The following DAB2IP variants were observed in gnomAD, a reference collection of about 807,000 sequenced individuals.
DAB2IP encodes the protein DAB2 interacting protein.
In DAB2IP, 28 loss-of-function variants were observed where a neutral mutation model predicts 107.2. The ratio of observed to expected loss-of-function variants is 0.26; its 90% CI spans 0.19 to 0.36. The LOEUF is 0.36. DAB2IP is among the 10% of genes least tolerant of loss of function. The probability of loss-of-function intolerance (pLI) is 1.00; values close to 1 mark genes in which losing one functional copy is unlikely to be tolerated. For missense variants in DAB2IP, 1,400 were observed against 1,644.7 expected (o/e 0.85, Z 2.57); for synonymous variants, 755 against 706.4 (o/e 1.07, Z -1.09).
chr9:121,780,416 C>T (rs369929339), intron 14 of DAB2IP, among the ~76,000 whole-genome samples: 2 of 152,160 alleles, frequency 1.3e-5, no homozygotes, highest in South Asian at 2.1e-4. Context: ...CGTGCAGAAC[C>T]GGCCCCGGCA....
In DAB2IP at chr9:121,763,586, G is replaced by A; in HGVS notation, c.1252G>A (p.Ala418Thr). 1.2e-6 allele frequency: 2 copies of A among 1,613,876 alleles called. No individual in the cohort carries two copies. Among genetic ancestry groups the A allele is most frequent in the Non-Finnish European group, 1.7e-6 (2 of 1,180,014 alleles). ...CCTCATCTTCCGGGAGAACACACTG[G>A]CCACCAAGGCCATTGAGGAGTACCT... is the stretch of plus-strand genomic sequence containing the variant. Residue 418 changes from alanine to threonine, a missense_variant, in exon 7 of 16, where the codon GCC (alanine) becomes ACC (threonine). By Grantham distance (58) the Ala-to-Thr change is moderately conservative (BLOSUM62 0). Around this residue, in one of 3 missense-constraint regions of DAB2IP, gnomAD observed 517 missense variants for 748.6 expected, o/e 0.69. Transcript: ENST00000408936.
intron 1 of DAB2IP, among the ~76,000 whole-genome samples, chr9:121,664,566 A>G (rs1833341178): frequency 6.6e-6 from 1 of 152,206 alleles, no homozygotes; most frequent in Non-Finnish European, 1.5e-5. Flanking sequence ...GTCTCTCAGC[A>G]GAGTTTCTGA....
chr9:121,612,738 T>A (rs553359638), intron 1 of DAB2IP, among the ~76,000 whole-genome samples: 1 of 152,216 alleles, frequency 6.6e-6, no homozygotes, highest in South Asian at 2.1e-4. Context: ...AGTGTGTGTG[T>A]GTTTGTGTGT....
chr9:121,773,235 C>T, exon 12 of DAB2IP: 1 of 1,554,560 alleles, frequency 6.4e-7, no homozygotes, highest in Non-Finnish European at 8.7e-7. Context: ...AGGCGGGCAG[C>T]CCACGGTGCC....
intron 2 of DAB2IP, among the ~76,000 whole-genome samples, chr9:121,683,993 A>T (rs529240693): frequency 7.8e-4 from 119 of 152,210 alleles, no homozygotes; most frequent in African/African-American, 2.8e-3. Context: ...CCTGCAGGAT[A>T]CAAGAACCAC....
chr9:121,766,570 A>G (rs1834300865), exon 9 of DAB2IP: 2 of 1,613,614 alleles, frequency 1.2e-6, no homozygotes, highest in Non-Finnish European at 1.7e-6. Flanking sequence ...CCCGGACATC[A>G]GTGAGCGGCT....
upstream of DAB2IP, among the ~76,000 whole-genome samples, chr9:121,650,422 G>C (rs1407233232): frequency 6.6e-6 from 1 of 152,184 alleles, no homozygotes; most frequent in Non-Finnish European, 1.5e-5. Context: ...CTGGATTTCT[G>C]CCCAGACGGC....
rs748745482 is a variant in DAB2IP, at chr9:121,736,622, G to A, written c.363-20391G>A. 1.8e-4 allele frequency among the ~76,000 whole-genome samples: 28 copies of A among 152,340 alleles called. No homozygotes were observed. In the East Asian group the frequency reaches 2.7e-3, roughly 15 times the overall value. ...GGCTGGAGAGGGTTTGGGGCGTGGC[G>A]CAGCCCGACGTTAGTCCGGAATGCT... On this transcript the variant is annotated intron_variant, in intron 3 of 15. Coordinates refer to ENST00000408936, the Ensembl canonical transcript of DAB2IP. The surrounding 1 kb of genome is among the most constrained non-coding windows in gnomAD (Gnocchi z 4.6).
intron 1 of DAB2IP, among the ~76,000 whole-genome samples, chr9:121,579,256 T>G (rs1589373378): frequency 6.6e-6 from 1 of 152,308 alleles, no homozygotes; most frequent in South Asian, 2.1e-4. Context: ...TAGCAGAGAA[T>G]GAGGCCTCAG....
In DAB2IP at chr9:121,699,573, C is replaced by T. The variant is rs1390703959; in HGVS notation, c.362+115C>T. Reference sequence around the variant, plus strand: ...GGCGAGCCACACGGCGGTGGGGGGACCCCACGCCGCCCGCCGGGAACTTAT... The same window carrying T: ...GGCGAGCCACACGGCGGTGGGGGGATCCCACGCCGCCCGCCGGGAACTTAT... On this transcript the variant is annotated intron_variant, in intron 3 of 15. Coordinates refer to ENST00000408936, the Ensembl canonical transcript of DAB2IP. This position sits in a 1 kb window ranked among gnomAD's most constrained non-coding sequence, Gnocchi z 6.2. 6 of 941,194 alleles carry T rather than the reference C, an allele frequency of 6.4e-6. No homozygotes were observed. Among genetic ancestry groups the T allele is most frequent in the Non-Finnish European group, 8.0e-6 (6 of 754,242 alleles). 58.3% of individuals were successfully genotyped at this position (941,194 alleles called of 1,614,324 possible).
In DAB2IP at chr9:121,757,296, T is replaced by C. The variant is rs2118956166; in HGVS notation, c.516+130T>C. The C allele has an allele frequency of 4.9e-6, 6 of 1,217,296 alleles. No homozygotes were observed. The African/African-American group carries it at 1.1e-4, about 23-fold the overall frequency. The allele number at this position is 1,217,296 out of a possible 1,614,324, so 75.4% of individuals were successfully genotyped here. A position where few individuals can be genotyped will look rare whatever the true frequency, so the allele number is the denominator to read the frequency against. On this transcript the variant is annotated intron_variant, in intron 4 of 15. Transcript: ENST00000408936. ...GGGCCAGGGTCTTGGGGACAGTGGC[T>C]AGTAGTTACCGATAGCTTTCAGCTC...
chr9:121,764,183 G>A (rs561676181), intron 8 of DAB2IP, among the ~76,000 whole-genome samples: 34 of 152,336 alleles, frequency 2.2e-4, no homozygotes, highest in Admixed American at 2.0e-3. Context: ...GGCCCTGTGT[G>A]GGCCCCCACT....
rs1053652873 is a variant in DAB2IP at position 121,684,444 on chromosome 9, T to C, written c.228+5663T>C. ...AGCCACCCCGTCTGAGCTGAGCCCTTCTCCCAGCCCCCATCACATTTCCTG... is the reference window on the plus strand; with the variant it reads ...AGCCACCCCGTCTGAGCTGAGCCCTCCTCCCAGCCCCCATCACATTTCCTG... On this transcript the variant is annotated intron_variant, in intron 2 of 15. Transcript: ENST00000408936. The surrounding 1 kb of genome is among the most constrained non-coding windows in gnomAD (Gnocchi z 4.0). 8.5e-5 allele frequency among the ~76,000 whole-genome samples: 13 copies of C among 152,110 alleles called. No homozygotes were observed. Among genetic ancestry groups the C allele is most frequent in the African/African-American group, 3.1e-4 (13 of 41,422 alleles).
rs768874695 is a variant in DAB2IP at position 121,699,633 on chromosome 9, G to T, written c.362+175G>T. 6.6e-6 allele frequency among the ~76,000 whole-genome samples: 1 copy of T among 152,014 alleles called. No homozygotes were observed. Among genetic ancestry groups the T allele is most frequent in the Non-Finnish European group, 1.5e-5 (1 of 67,950 alleles). ...TCGGCCGGACTAGGGGGCCCGAGGG[G>T]AGGACCCTGTGCCTCCCTCCGGGGT... is the stretch of plus-strand genomic sequence containing the variant. On this transcript the variant is annotated intron_variant, in intron 3 of 15. Transcript: ENST00000408936. This position sits in a 1 kb window ranked among gnomAD's most constrained non-coding sequence, Gnocchi z 6.2.
At chr9:121,651,473 G>A (rs978111894), upstream of DAB2IP, 22 of 184,166 alleles carry the variant, frequency 1.2e-4, no homozygotes, top group Non-Finnish European at 1.7e-4. This position sits in a 1 kb window ranked among gnomAD's most constrained non-coding sequence, Gnocchi z 5.1. Flanking sequence ...GGGGTCCCGG[G>A]GAAACTCCGG....
intron 1 of DAB2IP, among the ~76,000 whole-genome samples, chr9:121,568,296 C>A (rs1371742009): frequency 6.6e-6 from 1 of 152,204 alleles, no homozygotes; most frequent in Non-Finnish European, 1.5e-5. Flanking sequence ...ACGTTTGGAG[C>A]TGCAGCCCTC....
At chr9:121,651,513 G>C (rs1832735433), upstream of DAB2IP, 1 of 315,206 alleles carries the variant, frequency 3.2e-6, no homozygotes. This position sits in a 1 kb window ranked among gnomAD's most constrained non-coding sequence, Gnocchi z 5.1. Flanking sequence ...TCCAGGCCGG[G>C]ATTTCTCCCG....
At chr9:121,655,463 T>A (rs572803621) in intron 1 of DAB2IP, among the ~76,000 whole-genome samples, 12 of 152,322 alleles carry the variant, frequency 7.9e-5, no homozygotes, top group Non-Finnish European at 1.5e-4. Context: ...TCAGCTTGGG[T>A]GCAGGGGCAC....
intron 1 of DAB2IP, among the ~76,000 whole-genome samples, chr9:121,589,240 C>T (rs1830373964): frequency 6.6e-6 from 1 of 152,122 alleles, no homozygotes. Flanking sequence ...TCAGTAGCTC[C>T]CTAAGGCCAA....
Sources: allele counts gnomAD v4.1 joint callset (sites outside exome capture counted in the v4.1 genomes callset), GRCh38; gene constraint gnomAD v4.1.1; regional missense constraint gnomAD v4.1.1; non-coding constraint Gnocchi (gnomAD v3.1); transcripts MANE v1.5; gene names NCBI Gene and HGNC (gene_info 2026-07-23, HGNC 2026-07-21).